Variants in RBFOX1 observed in about 807,000 individuals in gnomAD.
RBFOX1 encodes RNA binding fox-1 homolog 1, also known as RNA binding protein fox-1 homolog 1.
RBFOX1 carries 8 observed loss-of-function variants against 57.7 expected under a neutral mutation model. The observed-to-expected ratio is 0.14, with a 90% CI of 0.08 to 0.25. The LOEUF is 0.25. Ranked by LOEUF, RBFOX1 falls within the 10% of genes least tolerant of loss-of-function variation. The pLI, the probability that RBFOX1 is intolerant of heterozygous loss-of-function variation, is 1.00. For missense variants in RBFOX1, 611 were observed against 548.5 expected, an observed-to-expected ratio of 1.11 and a Z score of -1.14; for synonymous variants, 326 against 222.4, an observed-to-expected ratio of 1.47 and a Z score of -4.15.
At chr16:6,638,490 A>G (rs1245744892) in intron 2 of RBFOX1, among the ~76,000 whole-genome samples, 1 of 152,204 alleles carries the variant, frequency 6.6e-6, no homozygotes, top group Non-Finnish European at 1.5e-5. Flanking sequence ...TTATTATAAT[A>G]AAATATGCTT....
intron 4 of RBFOX1, among the ~76,000 whole-genome samples, chr16:5,973,673 T>G (rs2060007081): frequency 6.6e-6 from 1 of 152,222 alleles, no homozygotes; most frequent in Admixed American, 6.5e-5. Flanking sequence ...TGGATGAGAT[T>G]CACATTTATA....
At chr16:7,273,116 C>T (rs1364937140) in intron 4 of RBFOX1, among the ~76,000 whole-genome samples, 2 of 127,864 alleles carry the variant, frequency 1.6e-5, no homozygotes, top group East Asian at 5.2e-4. Flanking sequence ...CCTTCCCTCT[C>T]TCCCTCCCTT....
At chr16:7,324,420 T>C (rs1348322576) in intron 4 of RBFOX1, among the ~76,000 whole-genome samples, 4 of 152,036 alleles carry the variant, frequency 2.6e-5, no homozygotes, top group Non-Finnish European at 5.9e-5. Flanking sequence ...CAAAGAAAAG[T>C]CCAGCGGAGT....
At chr16:5,717,145 A>T (rs2051733869) in intron 3 of RBFOX1, among the ~76,000 whole-genome samples, 1 of 152,156 alleles carries the variant, frequency 6.6e-6, no homozygotes, top group South Asian at 2.1e-4. Context: ...ATTTTCAAGG[A>T]CTTTCATGAA....
intron 4 of RBFOX1, among the ~76,000 whole-genome samples, chr16:7,205,996 G>A (rs1311586836): frequency 6.6e-6 from 1 of 152,238 alleles, no homozygotes; most frequent in African/African-American, 2.4e-5. Flanking sequence ...GGCCGATGTT[G>A]TGTTCTGAAC....
chr16:6,613,874 G>T (rs567130878), intron 2 of RBFOX1, among the ~76,000 whole-genome samples: 1 of 152,138 alleles, frequency 6.6e-6, no homozygotes, highest in African/African-American at 2.4e-5. Context: ...GGAGGCAGAG[G>T]TTGCAGTGAG....
chr16:5,858,367 G>T (rs13380631), intron 3 of RBFOX1, among the ~76,000 whole-genome samples: 1 of 152,126 alleles, frequency 6.6e-6, no homozygotes, highest in Middle Eastern at 3.2e-3. Flanking sequence ...TGACTGATGG[G>T]CTTGTCACAG....
chr16:5,991,773 A>G (rs2060404517), intron 4 of RBFOX1, among the ~76,000 whole-genome samples: 1 of 151,868 alleles, frequency 6.6e-6, no homozygotes, highest in African/African-American at 2.4e-5. Flanking sequence ...CCAATAATCA[A>G]CAATGTTGCC....
chr16:5,240,864 T>C (rs1028788762), intron 1 of RBFOX1, among the ~76,000 whole-genome samples: 61 of 152,270 alleles, frequency 4.0e-4, no homozygotes, highest in African/African-American at 1.3e-3. Context: ...ACTCTTCCTG[T>C]GTGGCTTTGC....
chr16:6,586,336 A>C (rs373018505), intron 2 of RBFOX1, among the ~76,000 whole-genome samples: 1 of 152,332 alleles, frequency 6.6e-6, no homozygotes, highest in East Asian at 1.9e-4. Context: ...TTCCTAAGAT[A>C]CCTACAAAAT....
Position 5,507,219 on chromosome 16 carries a change from C to G in RBFOX1, c.258+39965C>G, listed in dbSNP as rs80313253. ...GGCACCGAATAAGCAACACCAACCA[C>G]TGCGGCCACCATGACTGTCATCACT... On this transcript the variant is annotated intron_variant, in intron 2 of 2. Coordinates refer to the RBFOX1 transcript ENST00000585867. 7.1e-4 allele frequency among the ~76,000 whole-genome samples: 108 copies of G among 152,244 alleles called. 1 individual carries two copies. The highest frequency in any genetic ancestry group is 1.2e-3 in the Non-Finnish European group (80 of 68,018).
At chr16:6,464,555 A>T (rs527917944) in intron 2 of RBFOX1, among the ~76,000 whole-genome samples, 9 of 152,210 alleles carry the variant, frequency 5.9e-5, no homozygotes, top group Non-Finnish European at 1.2e-4. Context: ...TTTGCCTGAC[A>T]TTTGAAGAAA....
chr16:6,527,852 A>T (rs2096602647), intron 2 of RBFOX1, among the ~76,000 whole-genome samples: 1 of 152,112 alleles, frequency 6.6e-6, no homozygotes, highest in Non-Finnish European at 1.5e-5. Context: ...ATAAGGATAA[A>T]GGCCTCCTTA....
chr16:6,578,002 G>C (rs1178602560), intron 2 of RBFOX1, among the ~76,000 whole-genome samples: 1 of 152,182 alleles, frequency 6.6e-6, no homozygotes, highest in Non-Finnish European at 1.5e-5. Context: ...GTGATGAAGG[G>C]TGTCACCCAA....
At chr16:5,977,502 C>T (rs1380502701) in intron 4 of RBFOX1, among the ~76,000 whole-genome samples, 2 of 152,144 alleles carry the variant, frequency 1.3e-5, no homozygotes, top group South Asian at 2.1e-4. Flanking sequence ...CTTGCCAAGT[C>T]GCTCTGGAGA....
intron 1 of RBFOX1, among the ~76,000 whole-genome samples, chr16:6,276,600 C>T (rs551591278): frequency 6.6e-6 from 1 of 152,274 alleles, no homozygotes; most frequent in African/African-American, 2.4e-5. Context: ...ACCTTGGCCT[C>T]CAAAAGTGCT....
At chr16:7,017,251 G>A (rs1397726997) in intron 3 of RBFOX1, among the ~76,000 whole-genome samples, 2 of 152,108 alleles carry the variant, frequency 1.3e-5, no homozygotes, top group Non-Finnish European at 2.9e-5. Context: ...GTGCAGCCTC[G>A]GCTGTGCTCT....
intron 1 of RBFOX1, among the ~76,000 whole-genome samples, chr16:5,258,112 C>T (rs1309209891): frequency 6.6e-6 from 1 of 152,100 alleles, no homozygotes; most frequent in South Asian, 2.1e-4. Context: ...CTCCTGGGCT[C>T]AAGCAGTCCT....
At chr16:7,395,391 C>T (rs574555974) in intron 4 of RBFOX1, among the ~76,000 whole-genome samples, 4 of 152,262 alleles carry the variant, frequency 2.6e-5, no homozygotes, top group African/African-American at 4.8e-5. Context: ...GGAGATAAGC[C>T]GCTTTGTTCA....
Sources: allele counts gnomAD v4.1 joint callset (sites outside exome capture counted in the v4.1 genomes callset), GRCh38; gene constraint gnomAD v4.1.1; transcripts MANE v1.5; gene names NCBI Gene and HGNC (gene_info 2026-07-23, HGNC 2026-07-21).